Variants in CAPS2 observed in about 807,000 individuals in gnomAD.
CAPS2 encodes the protein calcyphosin-2.
A neutral mutation model predicts 86.5 loss-of-function variants in CAPS2; 98 were observed. The observed-to-expected ratio is 1.13, with a 90% CI of 0.96 to 1.34. CAPS2 has a LOEUF of 1.34. Ranked by LOEUF, CAPS2 falls within the 40% of genes most tolerant of loss-of-function variation. CAPS2 has a pLI of 0.00. For missense variants in CAPS2, 729 were observed against 686.8 expected, an observed-to-expected ratio of 1.06 and a Z score of -0.69; for synonymous variants, 210 against 225.1, an observed-to-expected ratio of 0.93 and a Z score of 0.60.
chr12:75,311,700 GAAAAAAAAAAACAAAAAAAAAAACAAAAA>G (rs2039208544), intron 7 of CAPS2, among the ~76,000 whole-genome samples: 1 of 6,702 alleles, frequency 1.5e-4, no homozygotes, highest in African/African-American at 4.0e-4. Flanking sequence ...AGCCATGCAG[GAAAAAAAAAAACAAAAAAAAAAACAAAAA>G]AAAAAAAAAA....
chr12:75,306,288 A>G, intron 7 of CAPS2: 1 of 600,796 alleles, frequency 1.7e-6, no homozygotes. Context: ...CTGGGAAGCT[A>G]TGGAGGAGGC....
In CAPS2 at chr12:75,349,978, TAAG is replaced by T. The variant is rs77455156; in HGVS notation, c.-394-26759_-394-26757del. ...CCAGCGGGGCAGGCTGGAGACTGCC[TAAG>T]AAGACCGGGTCCCGGGAGGGAGGGG... On this transcript the variant is annotated intron_variant, in intron 1 of 5. Transcript: ENST00000551829. Among the ~76,000 whole-genome samples, 17 of 152,358 alleles carry T rather than the reference TAAG, an allele frequency of 1.1e-4. No individual in the cohort carries two copies. In the East Asian group the frequency reaches 3.3e-3, roughly 29 times the overall value.
At chr12:75,276,811 A>G, downstream of CAPS2, 5 of 914,388 alleles carry the variant, frequency 5.5e-6, no homozygotes, top group Non-Finnish European at 6.5e-6. Flanking sequence ...ATACATAACT[A>G]TAAAATTCAT....
At chr12:75,294,321 T>G (rs1184007073) in intron 11 of CAPS2, among the ~76,000 whole-genome samples, 1 of 152,208 alleles carries the variant, frequency 6.6e-6, no homozygotes, top group East Asian at 1.9e-4. Flanking sequence ...CTCCATTTTC[T>G]CAGCACATTT....
chr12:75,306,381 G>T, intron 7 of CAPS2: 7 of 402,772 alleles, frequency 1.7e-5, no homozygotes, highest in South Asian at 2.9e-5. Context: ...GGAGGCCGGT[G>T]AATGGTTTCT....
chr12:75,342,813 C>T (rs911632564), intron 1 of CAPS2, among the ~76,000 whole-genome samples: 3 of 151,968 alleles, frequency 2.0e-5, no homozygotes, highest in Non-Finnish European at 4.4e-5. Flanking sequence ...CATTTTATAT[C>T]TCTCCATTTA....
intron 1 of CAPS2, among the ~76,000 whole-genome samples, chr12:75,326,062 T>A (rs1009483248): frequency 3.9e-5 from 6 of 152,132 alleles, no homozygotes; most frequent in Admixed American, 3.3e-4. Context: ...AATTCACCCA[T>A]CAGCACTTAT....
upstream of CAPS2, chr12:75,334,928 T>C: frequency 1.2e-6 from 2 of 1,602,302 alleles, no homozygotes; most frequent in Non-Finnish European, 1.7e-6. Context: ...GGCTGGGCTC[T>C]TAAATCCCTG....
At position 75,305,446 on chromosome 12, in the gene CAPS2, C is replaced by T; in HGVS notation, c.660-570G>A. The stretch of plus-strand genomic sequence containing the variant: ...GAGGCTCTTGTCAGAGGGCACAGAC[C>T]GGTTGGAACAAAGTAAGGATCTGAG... On this transcript the variant is annotated intron_variant, in intron 7 of 16. Transcript: ENST00000393284. 6 of 513,576 alleles carry T rather than the reference C, an allele frequency of 1.2e-5. 1 individual carries two copies. Among genetic ancestry groups the T allele is most frequent in the South Asian group, 9.6e-5 (5 of 52,186 alleles). 31.8% of individuals were successfully genotyped at this position (513,576 alleles called of 1,614,324 possible). A position where few individuals can be genotyped will look rare whatever the true frequency, so the allele number is the denominator to read the frequency against.
At chr12:75,367,931 C>T (rs1192135313) in intron 1 of CAPS2, among the ~76,000 whole-genome samples, 1 of 152,052 alleles carries the variant, frequency 6.6e-6, no homozygotes, top group Non-Finnish European at 1.5e-5. Context: ...AGATTATTTT[C>T]ATTGGTCCTC....
exon 4 of CAPS2, chr12:75,323,008 T>C: frequency 6.5e-7 from 1 of 1,548,602 alleles, no homozygotes. Context: ...ATATGGAGTT[T>C]GACATGGTGT....
intron 1 of CAPS2, among the ~76,000 whole-genome samples, chr12:75,351,065 T>C (rs1389132463): frequency 2.0e-5 from 3 of 152,140 alleles, no homozygotes; most frequent in African/African-American, 7.2e-5. Flanking sequence ...CAAGTATCAA[T>C]ATCCAAACAG....
In CAPS2 at chr12:75,304,752, C is replaced by T. The variant is rs2038238797; in HGVS notation, c.779+5G>A. 6.4e-7 allele frequency: 1 copy of T among 1,568,762 alleles called. No individual in the cohort carries two copies. Among genetic ancestry groups the T allele is most frequent in the Non-Finnish European group, 8.7e-7 (1 of 1,151,288 alleles). On this transcript the variant is annotated splice_donor_5th_base_variant and intron_variant, in intron 8 of 16. Transcript: ENST00000393284. Reference sequence around the variant, plus strand: ...CCTCATTTTATGTAATTAAAATCTTCTTACTTTGTTTCATGTAGTGTTCTT... The same window carrying T: ...CCTCATTTTATGTAATTAAAATCTTTTTACTTTGTTTCATGTAGTGTTCTT...
upstream of CAPS2, chr12:75,326,579 A>G (rs1158389118): frequency 1.3e-6 from 1 of 796,354 alleles, no homozygotes; most frequent in African/African-American, 1.7e-5. Context: ...TCTAATTTTA[A>G]ATAAGTCATA....
At chr12:75,329,485 A>ATT (rs11382401), upstream of CAPS2, among the ~76,000 whole-genome samples, 10 of 150,402 alleles carry the variant, frequency 6.6e-5, no homozygotes, top group Non-Finnish European at 7.4e-5. Flanking sequence ...CATTTCCCTC[A>ATT]TTTTTTTTTA....
chr12:75,356,281 T>C (rs2043150673), intron 1 of CAPS2, among the ~76,000 whole-genome samples: 1 of 152,044 alleles, frequency 6.6e-6, no homozygotes, highest in Non-Finnish European at 1.5e-5. Flanking sequence ...CAGAAAATCT[T>C]TTAAAAATAA....
chr12:75,355,113 A>G (rs2043064503), intron 1 of CAPS2, among the ~76,000 whole-genome samples: 1 of 152,248 alleles, frequency 6.6e-6, no homozygotes, highest in African/African-American at 2.4e-5. Context: ...TTGCAACAAA[A>G]GCAAAAATGG....
chr12:75,345,058 T>C (rs936898847), intron 1 of CAPS2, among the ~76,000 whole-genome samples: 3 of 152,134 alleles, frequency 2.0e-5, no homozygotes, highest in Non-Finnish European at 2.9e-5. Flanking sequence ...GCTGAATAGA[T>C]GATGAGGACC....
chr12:75,291,086 A>G (rs1216098097), intron 13 of CAPS2, among the ~76,000 whole-genome samples: 1 of 152,018 alleles, frequency 6.6e-6, no homozygotes, highest in East Asian at 1.9e-4. Flanking sequence ...AGTATCCAAA[A>G]CTGACATATA....
Sources: gnomAD v4.1 joint callset for allele counts (sites outside exome capture counted in the v4.1 genomes callset) on GRCh38, gnomAD v4.1.1 for gene constraint, MANE v1.5 for transcripts, NCBI Gene and HGNC (gene_info 2026-07-23, HGNC 2026-07-21) for gene names.